Variants in PHKA2 observed in about 807,000 individuals in gnomAD.
The protein encoded by PHKA2 is phosphorylase b kinase regulatory subunit alpha, liver isoform.
PHKA2 carries 31 observed loss-of-function variants against 102.0 expected under a neutral mutation model. That is an observed-to-expected ratio of 0.30 (90% CI 0.23 to 0.41). The LOEUF is 0.41. Among genes scored for constraint, PHKA2 ranks in the 10% least tolerant of loss-of-function variants. The pLI is 1.00. For missense variants in PHKA2, 858 were observed against 1,023.1 expected (o/e 0.84, Z 2.20); for synonymous variants, 455 against 416.2 (o/e 1.09, Z -1.13).
chrX:18,925,748 G>A lies in PHKA2; in HGVS notation c.1489C>T (p.Arg497Ter), dbSNP rs750186480. Residue 497 changes from arginine to a stop codon, truncating the protein, a stop_gained, in exon 15 of 33, where the codon CGA (arginine) becomes TGA (stop). Transcript: ENST00000379942. LOFTEE classifies it high-confidence loss of function. ...GRNKNMNLSG[R>*]PYRHIGVLGT... is the part of the protein sequence containing the mutation. Reference sequence around the variant, plus strand: ...AGGACACCAATATGTCGATACGGTCGCCCACTCAAATTCATATTCTTATTC... The same window carrying A: ...AGGACACCAATATGTCGATACGGTCACCCACTCAAATTCATATTCTTATTC... The A allele has an allele frequency of 2.5e-6, 3 of 1,189,828 alleles. No homozygotes were observed. The highest frequency in any genetic ancestry group is 3.4e-6 in the Non-Finnish European group (3 of 875,901).
intron 17 of PHKA2, among the ~76,000 whole-genome samples, chrX:18,923,431 C>T (rs1031427152): frequency 9.0e-6 from 1 of 111,659 alleles, no homozygotes; most frequent in African/African-American, 3.3e-5. Flanking sequence ...TGCCTTGTGA[C>T]AGTAGAGGGC....
intron 8 of PHKA2, among the ~76,000 whole-genome samples, chrX:18,940,964 A>G (rs1329933192): frequency 8.9e-6 from 1 of 112,278 alleles, no homozygotes; most frequent in Non-Finnish European, 1.9e-5. Flanking sequence ...ACTCCAAGGG[A>G]CAAAAGCATT....
Position 18,954,414 on chromosome X carries a change from T to C in PHKA2, c.79-2A>G. On this transcript the variant is annotated splice_acceptor_variant, in intron 1 of 32. Transcript: ENST00000379942. LOFTEE classifies it high-confidence loss of function. ...TGACAGCAGCCCCGTGACGGGATTC[T>C]ATTAGAGAAGAGACACAAAATGGCT... 1 of 1,209,979 alleles carries C rather than the reference T, an allele frequency of 8.3e-7. No homozygotes were observed. Among genetic ancestry groups the C allele is most frequent in the South Asian group, 1.8e-5 (1 of 56,999 alleles).
chrX:18,920,248 C>A (rs1244058193), intron 17 of PHKA2, 47 bp from the exon 18 acceptor site: 2 of 626,943 alleles, frequency 3.2e-6, no homozygotes, highest in East Asian at 3.2e-5. Flanking sequence ...GTGTGGATAA[C>A]CTTCCACTAT....
At chrX:18,894,813 C>G in intron 31 of PHKA2, 1 of 396,230 alleles carries the variant, frequency 2.5e-6, no homozygotes, top group South Asian at 3.9e-5. Context: ...AGAAAAGGGC[C>G]GAGAAGGCTG....
At position 18,894,410 on chromosome X, in the gene PHKA2, A is replaced by G. The variant is rs371554551; in HGVS notation, c.3337-6T>C. ...TTGATCTCATGCGGGGTCATCTACC[A>G]AAGGGACAGGCAGGCAACCACCAGT... On this transcript the variant is annotated splice_region_variant and splice_polypyrimidine_tract_variant and intron_variant, in intron 31 of 32. Transcript: ENST00000379942. The G allele has an allele frequency of 6.3e-5, 76 of 1,202,656 alleles. No individual in the cohort carries two copies. Among genetic ancestry groups the G allele is most frequent in the Non-Finnish European group, 8.1e-5 (72 of 889,788 alleles).
intron 4 of PHKA2, among the ~76,000 whole-genome samples, chrX:18,950,162 C>T (rs1401392803): frequency 8.9e-6 from 1 of 112,034 alleles, no homozygotes; most frequent in Non-Finnish European, 1.9e-5. Context: ...AGGCACACCG[C>T]CGACAAACTG....
intron 1 of PHKA2, among the ~76,000 whole-genome samples, chrX:18,955,374 GTTTTTTTT>G (rs35875518): frequency 1.1e-5 from 1 of 90,312 alleles, no homozygotes; most frequent in East Asian, 3.6e-4. Context: ...GCTGCTAGTA[GTTTTTTTT>G]TTTTTTTTTT....
intron 1 of PHKA2, among the ~76,000 whole-genome samples, chrX:18,977,211 ATTGT>A (rs2049101581): frequency 9.0e-6 from 1 of 111,176 alleles, no homozygotes; most frequent in Non-Finnish European, 1.9e-5. Context: ...GGCATCAGCA[ATTGT>A]TTGTTATTGC....
intron 1 of PHKA2, among the ~76,000 whole-genome samples, chrX:18,982,422 C>T (rs2049183646): frequency 8.9e-6 from 1 of 112,481 alleles, no homozygotes; most frequent in Non-Finnish European, 1.9e-5. Context: ...TGAAGGGGTG[C>T]TGCCCAGATC....
At chrX:18,954,983 G>C (rs145570718) in intron 1 of PHKA2, among the ~76,000 whole-genome samples, 2 of 112,194 alleles carry the variant, frequency 1.8e-5, no homozygotes, top group East Asian at 2.8e-4. Flanking sequence ...ATGATATCAC[G>C]GGTATTTAAA....
chrX:18,940,529 A>T (rs975346826), intron 8 of PHKA2, among the ~76,000 whole-genome samples: 6 of 112,119 alleles, frequency 5.4e-5, no homozygotes, highest in Non-Finnish European at 9.4e-5. Context: ...GGGAGGGGGC[A>T]GCTTCCTGTG....
chrX:18,930,497 G>A (rs748318271), intron 12 of PHKA2, among the ~76,000 whole-genome samples: 114 of 110,935 alleles, frequency 1.0e-3, no homozygotes, highest in African/African-American at 3.6e-3. Flanking sequence ...GGAGAAAGCA[G>A]GGGAGGGGAG....
chrX:18,898,055 C>T (rs1012679153), intron 29 of PHKA2: 2 of 112,824 alleles, frequency 1.8e-5, no homozygotes, highest in East Asian at 5.6e-4. Flanking sequence ...CGGGGGAAGA[C>T]AAACAGTGAA....
intron 13 of PHKA2, among the ~76,000 whole-genome samples, chrX:18,928,767 A>G (rs1204178751): frequency 8.9e-6 from 1 of 112,688 alleles, no homozygotes; most frequent in African/African-American, 3.2e-5. Flanking sequence ...GGAGGGCAGC[A>G]GCAGCCTGGG....
intron 11 of PHKA2, among the ~76,000 whole-genome samples, chrX:18,932,773 A>G (rs1235833365): frequency 9.0e-6 from 1 of 110,759 alleles, no homozygotes; most frequent in African/African-American, 3.3e-5. Flanking sequence ...TACTTGTATG[A>G]TAATCAGGTA....
chrX:18,973,216 G>A (rs1240714315), intron 1 of PHKA2, among the ~76,000 whole-genome samples: 1 of 111,449 alleles, frequency 9.0e-6, no homozygotes, highest in African/African-American at 3.3e-5. Flanking sequence ...TGTTGGCCAG[G>A]CTGGTCTCAA....
rs773870325 is a variant in PHKA2, at chrX:18,902,044, T to C, written c.2909-441A>G. Among the ~76,000 whole-genome samples the C allele has an allele frequency of 5.4e-5, 6 of 110,987 alleles. 1 individual carries two copies. The South Asian group carries it at 2.0e-3, about 36-fold the overall frequency. ...TTTTAGTAGAGGCAGGGTTTCACCA[T>C]ATTGGCCAGGCTGGTCTCAAACTCC... On this transcript the variant is annotated intron_variant, in intron 26 of 32. Transcript: ENST00000379942.
At chrX:18,920,237 T>C (rs1296445398) in intron 17 of PHKA2, 36 bp from the exon 18 acceptor site, 1 of 687,521 alleles carries the variant, frequency 1.5e-6, no homozygotes, top group Non-Finnish European at 2.4e-6. Flanking sequence ...ACACAGGTAG[T>C]GTGTGGATAA....
Sources: gnomAD v4.1 joint callset for allele counts (sites outside exome capture counted in the v4.1 genomes callset) on GRCh38, gnomAD v4.1.1 for gene constraint, MANE v1.5 for transcripts, NCBI Gene and HGNC (gene_info 2026-07-23, HGNC 2026-07-21) for gene names.